EFHD1: variants seen among roughly 807,000 people sequenced by gnomAD.
The protein encoded by EFHD1 is EF-hand domain family member D1, also known as EF-hand domain-containing protein D1.
EFHD1 carries 10 observed loss-of-function variants against 17.2 expected under a neutral mutation model. The observed-to-expected ratio is 0.58, with a 90% CI of 0.36 to 0.99. The LOEUF is 0.99. EFHD1 is among the 50% of genes least tolerant of loss of function. The pLI is 0.01. For missense variants in EFHD1, 310 were observed against 327.5 expected, an observed-to-expected ratio of 0.95 and a Z score of 0.41; for synonymous variants, 153 against 142.0, an observed-to-expected ratio of 1.08 and a Z score of -0.55.
At chr2:232,670,775 G>T (rs1037295048) in intron 2 of EFHD1, among the ~76,000 whole-genome samples, 3 of 152,032 alleles carry the variant, frequency 2.0e-5, no homozygotes, top group African/African-American at 2.4e-5. Flanking sequence ...ATTTTTGAAA[G>T]TTGAAAATTA....
At chr2:232,637,531 A>G (rs1202677365) in intron 1 of EFHD1, among the ~76,000 whole-genome samples, 1 of 151,656 alleles carries the variant, frequency 6.6e-6, no homozygotes, top group East Asian at 1.9e-4. Context: ...TTTAGTAGAG[A>G]TGGGGTTTCA....
intron 2 of EFHD1, among the ~76,000 whole-genome samples, chr2:232,664,360 C>G (rs1209658552): frequency 2.0e-5 from 3 of 151,990 alleles, no homozygotes; most frequent in African/African-American, 4.8e-5. Context: ...AGGCTGGTCT[C>G]CGACTCAGCC....
chr2:232,632,819 T>C (rs1193394879), upstream of EFHD1, among the ~76,000 whole-genome samples: 1 of 152,128 alleles, frequency 6.6e-6, no homozygotes, highest in Non-Finnish European at 1.5e-5. Flanking sequence ...GTAGAGACAG[T>C]CTAACTATGT....
chr2:232,660,505 A>AT (rs1026017672), intron 1 of EFHD1, among the ~76,000 whole-genome samples: 23 of 151,360 alleles, frequency 1.5e-4, no homozygotes, highest in Admixed American at 2.0e-4. Context: ...AGGCCTCTTT[A>AT]TTTTTTTAAG....
At chr2:232,619,137 G>A (rs1693977547) in intron 1 of EFHD1, among the ~76,000 whole-genome samples, 1 of 150,412 alleles carries the variant, frequency 6.6e-6, no homozygotes, top group African/African-American at 2.5e-5. Context: ...TGGGCAACAA[G>A]AGCAAAACTC....
At chr2:232,607,022 G>T (rs567574267) in intron 1 of EFHD1, among the ~76,000 whole-genome samples, 1 of 151,190 alleles carries the variant, frequency 6.6e-6, no homozygotes, top group African/African-American at 2.4e-5. Context: ...CTTTTGAGAC[G>T]GTCTGGCTCT....
At chr2:232,631,680 A>C (rs1347107976), upstream of EFHD1, among the ~76,000 whole-genome samples, 2 of 138,972 alleles carry the variant, frequency 1.4e-5, no homozygotes, top group Non-Finnish European at 3.1e-5. Flanking sequence ...AGCTCGATGG[A>C]ATAAGAACAT....
chr2:232,651,338 G>C (rs1694650497), intron 1 of EFHD1, among the ~76,000 whole-genome samples: 1 of 152,250 alleles, frequency 6.6e-6, no homozygotes, highest in African/African-American at 2.4e-5. Context: ...CATGGAAGGA[G>C]AGGGAGCAAC....
intron 1 of EFHD1, among the ~76,000 whole-genome samples, chr2:232,623,692 A>AAAAG (rs1553595792): frequency 2.9e-5 from 3 of 101,966 alleles, no homozygotes; most frequent in African/African-American, 1.1e-4. Flanking sequence ...AAAAAAAAAA[A>AAAAG]AAGAAGAAGA....
chr2:232,647,631 C>G (rs534402384), intron 1 of EFHD1, among the ~76,000 whole-genome samples: 1 of 123,636 alleles, frequency 8.1e-6, no homozygotes, highest in Non-Finnish European at 1.7e-5. Context: ...CCTCAGGACT[C>G]TCCTGTTAGA....
At chr2:232,639,135 G>A (rs1421607167) in intron 1 of EFHD1, among the ~76,000 whole-genome samples, 2 of 152,028 alleles carry the variant, frequency 1.3e-5, no homozygotes, top group African/African-American at 4.8e-5. Flanking sequence ...CTCATTCCTC[G>A]CTCCACACCT....
At chr2:232,634,060 G>T in intron 1 of EFHD1, 54 bp downstream of exon 1, 1 of 1,588,268 alleles carries the variant, frequency 6.3e-7, no homozygotes. Flanking sequence ...GAGCGGGAGG[G>T]CTTTCTGGTC....
chr2:232,613,957 C>A (rs926245922), intron 1 of EFHD1, among the ~76,000 whole-genome samples: 4 of 151,880 alleles, frequency 2.6e-5, no homozygotes, highest in Admixed American at 2.6e-4. Flanking sequence ...TAAATATACA[C>A]ACACATACAC....
intron 1 of EFHD1, among the ~76,000 whole-genome samples, chr2:232,646,224 A>T (rs1174453679): frequency 6.6e-6 from 1 of 152,088 alleles, no homozygotes; most frequent in East Asian, 1.9e-4. Flanking sequence ...CAAGGAAAAA[A>T]GTCTAGACTC....
rs371832405 is a variant in EFHD1, at chr2:232,623,033, C to CTTCTTTTCTT, written c.14+16878_14+16887dup. Among the ~76,000 whole-genome samples, 3 of 152,058 alleles carry CTTCTTTTCTT rather than the reference C, an allele frequency of 2.0e-5. No individual in the cohort carries two copies. In the South Asian group the frequency reaches 6.2e-4, roughly 32 times the overall value. On this transcript the variant is annotated intron_variant, in intron 1 of 3. Transcript: ENST00000409613. ...AGCATATGGCCACTAGAAAACTTTT[C>CTTCTTTTCTT]TTCTTTTCTTTTCTTTTCTTTTCTT...
intron 1 of EFHD1, among the ~76,000 whole-genome samples, chr2:232,645,901 C>T (rs2106200698): frequency 6.6e-6 from 1 of 152,298 alleles, no homozygotes; most frequent in African/African-American, 2.4e-5. Flanking sequence ...GTGTCACATG[C>T]CCGTCTCACT....
intron 2 of EFHD1, among the ~76,000 whole-genome samples, chr2:232,667,121 G>A (rs2106213983): frequency 6.6e-6 from 1 of 152,238 alleles, no homozygotes; most frequent in East Asian, 1.9e-4. Context: ...CTGAAACTGT[G>A]AGAAAATAAA....
intron 1 of EFHD1, chr2:232,612,095 T>A (rs1309456252): frequency 6.6e-6 from 1 of 152,166 alleles, no homozygotes. Context: ...CAAGCGATCC[T>A]CCCAACTGAG....
upstream of EFHD1, chr2:232,633,357 C>G: frequency 6.0e-6 from 4 of 668,456 alleles, no homozygotes; most frequent in Non-Finnish European, 7.9e-6. Flanking sequence ...GCAGCAAGGT[C>G]GGAGTTGATC....
Sources: allele counts gnomAD v4.1 joint callset (sites outside exome capture counted in the v4.1 genomes callset), GRCh38; gene constraint gnomAD v4.1.1; transcripts MANE v1.5; gene names NCBI Gene and HGNC (gene_info 2026-07-23, HGNC 2026-07-21).